Variants in SPOCK3 observed in about 807,000 individuals in gnomAD.
SPOCK3 encodes testican-3.
In SPOCK3, 30 loss-of-function variants were observed where a neutral mutation model predicts 56.6. That is an observed-to-expected ratio of 0.53 (90% CI 0.40 to 0.72). The LOEUF is 0.72. SPOCK3 is among the 30% of genes least tolerant of loss of function. The probability of loss-of-function intolerance (pLI) is 0.00; values close to 1 mark genes in which losing one functional copy is unlikely to be tolerated. For synonymous variants in SPOCK3, 196 were observed against 183.3 expected (o/e 1.07, Z -0.56); for missense variants, 527 against 530.0 (o/e 0.99, Z 0.06).
intron 6 of SPOCK3, among the ~76,000 whole-genome samples, chr4:166,856,055 A>G (rs1730619310): frequency 6.6e-6 from 1 of 152,202 alleles, no homozygotes; most frequent in African/African-American, 2.4e-5. Context: ...TAAGTATGGC[A>G]GACAGAAAGA....
At chr4:166,823,639 A>G (rs914055811) in intron 6 of SPOCK3, among the ~76,000 whole-genome samples, 3 of 152,138 alleles carry the variant, frequency 2.0e-5, no homozygotes, top group African/African-American at 7.2e-5. Context: ...AATTCTCACC[A>G]ATATTAAAAT....
chr4:166,775,893 G>A (rs193094994), intron 7 of SPOCK3, among the ~76,000 whole-genome samples: 68 of 152,258 alleles, frequency 4.5e-4, no homozygotes, highest in African/African-American at 1.5e-3. Context: ...ATATGGAACA[G>A]ATATAAATGT....
chr4:166,914,438 T>C (rs2127106172), intron 4 of SPOCK3, among the ~76,000 whole-genome samples: 1 of 152,294 alleles, frequency 6.6e-6, no homozygotes, highest in South Asian at 2.1e-4. Context: ...TCAATTTTAA[T>C]TTAAAGAGTA....
intron 6 of SPOCK3, among the ~76,000 whole-genome samples, chr4:166,827,319 G>T (rs763508534): frequency 1.3e-5 from 2 of 152,058 alleles, no homozygotes; most frequent in Non-Finnish European, 2.9e-5. Flanking sequence ...CTTTTGGAAA[G>T]GAGATAAGAA....
intron 3 of SPOCK3, among the ~76,000 whole-genome samples, chr4:167,029,885 G>A (rs1205846010): frequency 1.3e-5 from 2 of 151,928 alleles, no homozygotes; most frequent in Non-Finnish European, 2.9e-5. Context: ...TGGAACTCAT[G>A]TTAGAATGAT....
chr4:167,195,771 T>C (rs910285104), intron 2 of SPOCK3, among the ~76,000 whole-genome samples: 5 of 152,162 alleles, frequency 3.3e-5, no homozygotes, highest in Non-Finnish European at 4.4e-5. Flanking sequence ...GCAGGGACCA[T>C]GGTCAAGGAA....
chr4:166,755,302 T>G (rs1736927026), intron 7 of SPOCK3, among the ~76,000 whole-genome samples: 1 of 152,020 alleles, frequency 6.6e-6, no homozygotes. Context: ...CCTGCTTACC[T>G]CAAGGAAATT....
chr4:167,034,332 C>CAA (rs533826668), intron 3 of SPOCK3, among the ~76,000 whole-genome samples: 4 of 144,702 alleles, frequency 2.8e-5, no homozygotes, highest in Non-Finnish European at 6.1e-5. Flanking sequence ...ATCAAAATAA[C>CAA]AAAAAAAAAA....
At chr4:166,880,818 A>G (rs550257426) in intron 6 of SPOCK3, among the ~76,000 whole-genome samples, 1 of 152,148 alleles carries the variant, frequency 6.6e-6, no homozygotes, top group South Asian at 2.1e-4. Context: ...ATTCTTACCA[A>G]CTTCCTAACT....
intron 2 of SPOCK3, among the ~76,000 whole-genome samples, chr4:167,096,747 G>A (rs1399947074): frequency 6.6e-6 from 1 of 151,740 alleles, no homozygotes; most frequent in African/African-American, 2.4e-5. Flanking sequence ...CCTTGATGTA[G>A]TATTCTAAAT....
At chr4:167,092,833 C>A (rs1029609457) in intron 2 of SPOCK3, among the ~76,000 whole-genome samples, 6 of 152,104 alleles carry the variant, frequency 3.9e-5, no homozygotes, top group Admixed American at 2.0e-4. Flanking sequence ...AAAATTATTA[C>A]ACTCACCAAC....
intron 6 of SPOCK3, among the ~76,000 whole-genome samples, chr4:166,845,294 A>G (rs550118259): frequency 3.0e-4 from 45 of 152,346 alleles, no homozygotes; most frequent in African/African-American, 1.1e-3. Context: ...GTAAACCAAA[A>G]TAAATTTTTC....
intron 6 of SPOCK3, among the ~76,000 whole-genome samples, chr4:166,825,224 A>G (rs1035087227): frequency 3.9e-5 from 6 of 152,090 alleles, no homozygotes; most frequent in Non-Finnish European, 5.9e-5. Flanking sequence ...CCCTAATTTT[A>G]CCGTAGGTTC....
At chr4:166,970,529 G>A (rs1745258554) in intron 4 of SPOCK3, among the ~76,000 whole-genome samples, 1 of 152,106 alleles carries the variant, frequency 6.6e-6, no homozygotes, top group African/African-American at 2.4e-5. Context: ...TTCAAGACCA[G>A]CTTGGCCAAC....
chr4:167,123,719 C>A (rs1580365959), intron 2 of SPOCK3, among the ~76,000 whole-genome samples: 1 of 151,228 alleles, frequency 6.6e-6, no homozygotes, highest in South Asian at 2.1e-4. Flanking sequence ...GAAAAGACAG[C>A]TCCAACAAGA....
chr4:167,003,342 A>T (rs1479646745), intron 3 of SPOCK3, among the ~76,000 whole-genome samples: 1 of 152,238 alleles, frequency 6.6e-6, no homozygotes, highest in Non-Finnish European at 1.5e-5. Context: ...TAGCATGTAC[A>T]ATAACAAAAA....
chr4:166,949,534 C>G (rs1052288482), intron 4 of SPOCK3, among the ~76,000 whole-genome samples: 4 of 152,234 alleles, frequency 2.6e-5, no homozygotes, highest in Middle Eastern at 3.4e-3. Flanking sequence ...GATGTCCTTT[C>G]TGTTCGTTAG....
At chr4:166,900,246 T>TA (rs1560988294) in intron 5 of SPOCK3, among the ~76,000 whole-genome samples, 1 of 152,186 alleles carries the variant, frequency 6.6e-6, no homozygotes, top group Admixed American at 6.5e-5. Context: ...GTGCACTTTT[T>TA]ATCACCTAAT....
At chr4:167,122,423 A>C (rs1761947140) in intron 2 of SPOCK3, among the ~76,000 whole-genome samples, 1 of 152,160 alleles carries the variant, frequency 6.6e-6, no homozygotes, top group Non-Finnish European at 1.5e-5. Context: ...AATAATTTTC[A>C]ATTGTACATT....
Sources: gnomAD v4.1 joint callset for allele counts (sites outside exome capture counted in the v4.1 genomes callset) on GRCh38, gnomAD v4.1.1 for gene constraint, MANE v1.5 for transcripts, NCBI Gene and HGNC (gene_info 2026-07-23, HGNC 2026-07-21) for gene names.